NELL1: variants seen among roughly 807,000 people sequenced by gnomAD.
The protein encoded by NELL1 is protein kinase C-binding protein NELL1.
In NELL1, 76 loss-of-function variants were observed where a neutral mutation model predicts 107.4. The ratio of observed to expected loss-of-function variants is 0.71; its 90% confidence interval spans 0.59 to 0.86. The LOEUF is 0.86. Among genes scored for constraint, NELL1 ranks in the 40% least tolerant of loss-of-function variants. The pLI is 0.00. For synonymous variants in NELL1, 353 were observed against 341.2 expected (o/e 1.03, Z -0.38); for missense variants, 1,024 against 1,005.5 (o/e 1.02, Z -0.25).
intron 4 of NELL1, among the ~76,000 whole-genome samples, chr11:20,848,757 TGAG>T (rs1848745532): frequency 6.6e-6 from 1 of 152,124 alleles, no homozygotes; most frequent in African/African-American, 2.4e-5. Flanking sequence ...GCATTTCTCA[TGAG>T]GAGATGCTTG....
At chr11:21,430,396 A>T (rs1852935466) in intron 15 of NELL1, among the ~76,000 whole-genome samples, 2 of 152,296 alleles carry the variant, frequency 1.3e-5, no homozygotes, top group Admixed American at 1.3e-4. Flanking sequence ...GGATCCTTTG[A>T]AATCTTATAA....
intron 15 of NELL1, among the ~76,000 whole-genome samples, chr11:21,498,532 A>C (rs2133928176): frequency 6.6e-6 from 1 of 151,820 alleles, no homozygotes; most frequent in Non-Finnish European, 1.5e-5. Context: ...TTTGAAGAAG[A>C]CAAGATTGAT....
At chr11:21,291,022 A>T (rs1424418197) in intron 14 of NELL1, among the ~76,000 whole-genome samples, 2 of 152,200 alleles carry the variant, frequency 1.3e-5, no homozygotes, top group Non-Finnish European at 2.9e-5. Flanking sequence ...ATTCTTCAGA[A>T]GGTGGGTAAC....
Position 20,826,064 on chromosome 11 carries a change from T to A in NELL1, c.336-21519T>A, listed in dbSNP as rs183884701. Among the ~76,000 whole-genome samples, 6 of 151,470 alleles carry A rather than the reference T, an allele frequency of 4.0e-5. No homozygotes were observed. The East Asian group carries it at 1.2e-3, about 29-fold the overall frequency. On this transcript the variant is annotated intron_variant, in intron 3 of 19. Transcript: ENST00000357134. Reference sequence around the variant, plus strand: ...TCTGCACTTCTTCTTCCTACCACCATGTGAAGAAGGATGTGTTTGCTGCTT... The same window carrying A: ...TCTGCACTTCTTCTTCCTACCACCAAGTGAAGAAGGATGTGTTTGCTGCTT...
At chr11:20,976,112 A>G (rs1163366230) in intron 12 of NELL1, among the ~76,000 whole-genome samples, 8 of 133,362 alleles carry the variant, frequency 6.0e-5, no homozygotes, top group Non-Finnish European at 9.5e-5. Context: ...ACATATCTGT[A>G]CATATATGTA....
In NELL1 at chr11:21,106,497, A is replaced by G. The variant is rs553374652; in HGVS notation, c.1301-7092A>G. On this transcript the variant is annotated intron_variant, in intron 12 of 19. Transcript: ENST00000357134. ...GTTTTCTACAGTCCACACTCTTCCT[A>G]TTGTTTTTCTGCCACTGGGGTTAAG... Among the ~76,000 whole-genome samples the G allele has an allele frequency of 3.9e-5, 6 of 152,064 alleles. No homozygotes were observed. The East Asian group carries it at 1.2e-3, about 29-fold the overall frequency.
At chr11:20,938,431 T>C (rs964004017) in intron 10 of NELL1, among the ~76,000 whole-genome samples, 6 of 152,154 alleles carry the variant, frequency 3.9e-5, no homozygotes, top group Non-Finnish European at 7.4e-5. Context: ...GAACTTGCAG[T>C]CTAGTGAGGG....
chr11:21,065,213 G>A (rs1256424786), intron 12 of NELL1, among the ~76,000 whole-genome samples: 2 of 152,054 alleles, frequency 1.3e-5, no homozygotes, highest in African/African-American at 4.8e-5. Context: ...AGAAAGCTGT[G>A]TTGTCTGAGA....
At chr11:21,559,089 C>A (rs1034569908) in intron 16 of NELL1, among the ~76,000 whole-genome samples, 1 of 151,898 alleles carries the variant, frequency 6.6e-6, no homozygotes, top group Non-Finnish European at 1.5e-5. Context: ...TAAGACAAAG[C>A]CAAAAATTAG....
chr11:20,706,965 C>T (rs1854978556), intron 2 of NELL1, among the ~76,000 whole-genome samples: 1 of 152,150 alleles, frequency 6.6e-6, no homozygotes, highest in South Asian at 2.1e-4. Context: ...GAGTATTTTC[C>T]AACTTGGTTC....
chr11:21,230,984 G>A (rs1284358966), intron 14 of NELL1, among the ~76,000 whole-genome samples: 1 of 151,978 alleles, frequency 6.6e-6, no homozygotes, highest in East Asian at 1.9e-4. Context: ...CTGAAAACTG[G>A]AAACAACCAA....
intron 15 of NELL1, among the ~76,000 whole-genome samples, chr11:21,449,681 G>T (rs1283991078): frequency 6.6e-6 from 1 of 152,124 alleles, no homozygotes; most frequent in South Asian, 2.1e-4. Flanking sequence ...TTAGTTTTAG[G>T]TTTAATGTTT....
intron 13 of NELL1, among the ~76,000 whole-genome samples, chr11:21,152,618 A>G (rs762592423): frequency 1.1e-4 from 17 of 152,198 alleles, no homozygotes; most frequent in Non-Finnish European, 2.2e-4. Context: ...TCAAGTTATT[A>G]GCATTTTCAT....
At chr11:21,504,079 T>C (rs919772869) in intron 15 of NELL1, 3 of 152,208 alleles carry the variant, frequency 2.0e-5, no homozygotes, top group Non-Finnish European at 2.9e-5. Context: ...TCTTTCTCTC[T>C]TTCTAGTGGT....
At chr11:20,925,042 T>G (rs540996169) in intron 7 of NELL1, among the ~76,000 whole-genome samples, 1 of 152,320 alleles carries the variant, frequency 6.6e-6, no homozygotes, top group East Asian at 1.9e-4. Context: ...TAGAGATGAC[T>G]TAAAGTGTAT....
At chr11:20,715,870 A>G (rs1163290456) in intron 2 of NELL1, among the ~76,000 whole-genome samples, 1 of 152,150 alleles carries the variant, frequency 6.6e-6, no homozygotes, top group Non-Finnish European at 1.5e-5. Flanking sequence ...CTTTGTGGAT[A>G]TTTGACATGG....
At chr11:20,933,922 G>A (rs1439838214) in intron 9 of NELL1, among the ~76,000 whole-genome samples, 1 of 152,164 alleles carries the variant, frequency 6.6e-6, no homozygotes, top group Non-Finnish European at 1.5e-5. Context: ...GTTGGTGCTA[G>A]GTTTCAATTT....
chr11:21,459,396 T>A (rs1016347923), intron 15 of NELL1, among the ~76,000 whole-genome samples: 1 of 149,966 alleles, frequency 6.7e-6, no homozygotes, highest in Admixed American at 6.7e-5. Flanking sequence ...TTTGAAGATG[T>A]TGGCAATAAA....
At chr11:21,574,649 G>A (rs367921802) in intron 19 of NELL1, among the ~76,000 whole-genome samples, 14 of 151,762 alleles carry the variant, frequency 9.2e-5, no homozygotes, top group South Asian at 8.3e-4. Flanking sequence ...AAAGAATCTC[G>A]CTTGGAATAA....
Sources: allele counts gnomAD v4.1 joint callset (sites outside exome capture counted in the v4.1 genomes callset), GRCh38; gene constraint gnomAD v4.1.1; transcripts MANE v1.5; gene names NCBI Gene and HGNC (gene_info 2026-07-23, HGNC 2026-07-21).